OPTN: variants seen among roughly 807,000 people sequenced by gnomAD.
OPTN encodes the protein optineurin, also known as E3-14.7K-interacting protein.
Under a neutral mutation model 70.4 loss-of-function variants are expected in OPTN, and 54 were observed. The observed-to-expected ratio is 0.77, with a 90% CI of 0.62 to 0.96. OPTN has a LOEUF of 0.96. Among genes scored for constraint, OPTN ranks in the 40% least tolerant of loss-of-function variants. The pLI is 0.00. For missense variants in OPTN, 624 were observed against 673.2 expected (o/e 0.93, Z 0.81); for synonymous variants, 256 against 248.5 (o/e 1.03, Z -0.28).
At chr10:13,129,182 T>A (rs1313930481) in intron 12 of OPTN, among the ~76,000 whole-genome samples, 3 of 152,172 alleles carry the variant, frequency 2.0e-5, no homozygotes, top group African/African-American at 7.2e-5. Flanking sequence ...CCTATATGAA[T>A]ATCCAGTTAA....
In OPTN at chr10:13,114,803, CA is replaced by C. The variant is rs1223816829; in HGVS notation, c.553-1463del. ...TTATATAATTATATAATTATATATA[CA>C]TATATATAATTATATAATTATATAA... On this transcript the variant is annotated intron_variant, in intron 5 of 14. Transcript: ENST00000378747. Among the ~76,000 whole-genome samples the C allele has an allele frequency of 3.1e-3, 52 of 16,826 alleles. 5 individuals are homozygous for C. The highest frequency in any genetic ancestry group is 0.083 in the Middle Eastern group (1 of 12). The allele number at this position is 16,826 out of a possible 152,430, so 11.0% of individuals were successfully genotyped here.
At chr10:13,113,987 C>A (rs1283145987) in intron 5 of OPTN, among the ~76,000 whole-genome samples, 1 of 151,984 alleles carries the variant, frequency 6.6e-6, no homozygotes. Flanking sequence ...ATCACTTGAA[C>A]CTGGGAGTTT....
At chr10:13,115,253 T>TATATTTATAAATATAGA (rs1833148633) in intron 5 of OPTN, among the ~76,000 whole-genome samples, 5 of 10,622 alleles carry the variant, frequency 4.7e-4, no homozygotes, top group African/African-American at 9.4e-4. Flanking sequence ...ATATCTATAT[T>TATATTTATAAATATAGA]TATATCTATA....
At chr10:13,128,452 T>C (rs909797812) in intron 12 of OPTN, among the ~76,000 whole-genome samples, 9 of 150,268 alleles carry the variant, frequency 6.0e-5, no homozygotes, top group African/African-American at 2.2e-4. Flanking sequence ...TTTTCAAGTG[T>C]TTTTGGCCTT....
chr10:13,120,200 G>A (rs965165082), intron 7 of OPTN, among the ~76,000 whole-genome samples: 2 of 151,574 alleles, frequency 1.3e-5, no homozygotes, highest in African/African-American at 4.8e-5. Context: ...ATGTTAGCCA[G>A]GATGGTCTCG....
chr10:13,133,719 C>T, intron 14 of OPTN, 138 bp downstream of exon 14: 1 of 748,670 alleles, frequency 1.3e-6, no homozygotes, highest in Non-Finnish European at 2.3e-6. Context: ...GTCTCATTAC[C>T]ACAGCACTCC....
chr10:13,134,708 G>A (rs1486596859), intron 14 of OPTN, among the ~76,000 whole-genome samples: 8 of 152,020 alleles, frequency 5.3e-5, no homozygotes, highest in African/African-American at 1.4e-4. Flanking sequence ...GATTACAGGC[G>A]TGAGCCACCA....
chr10:13,113,947 C>G (rs1334490616), intron 5 of OPTN, among the ~76,000 whole-genome samples: 1 of 151,986 alleles, frequency 6.6e-6, no homozygotes, highest in Non-Finnish European at 1.5e-5. Context: ...CACCTGTACT[C>G]CCAGCTACTC....
chr10:13,115,419 A>AAT (rs559073807), intron 5 of OPTN, among the ~76,000 whole-genome samples: 1 of 107,798 alleles, frequency 9.3e-6, no homozygotes, highest in East Asian at 2.7e-4. Flanking sequence ...TATATTATAG[A>AAT]ATATATATAA....
chr10:13,126,283 C>CCTTTTTTTTTTTTTTTTTTTTT lies in OPTN; in HGVS notation c.1242+244_1242+245insCTTTTTTTTTTTTTTTTTTTTT, dbSNP rs771767144. Among the ~76,000 whole-genome samples the CCTTTTTTTTTTTTTTTTTTTTT allele has an allele frequency of 2.0e-3, 275 of 139,016 alleles. 13 individuals carry two copies. The highest frequency in any genetic ancestry group is 6.7e-3 in the African/African-American group (247 of 36,680). The allele number at this position is 139,016 out of a possible 152,430, so 91.2% of individuals were successfully genotyped here. A position where few individuals can be genotyped will look rare whatever the true frequency, so the allele number is the denominator to read the frequency against. ...GTCAGGGATTAAGCACTTCGTATTT[C>CCTTTTTTTTTTTTTTTTTTTTT]TTTTTTTTTTTTTTTGAGACGGAGT... On this transcript the variant is annotated intron_variant, in intron 11 of 14. Transcript: ENST00000378747.
At chr10:13,128,589 C>G (rs1030022531) in intron 12 of OPTN, among the ~76,000 whole-genome samples, 3 of 129,452 alleles carry the variant, frequency 2.3e-5, no homozygotes, top group Non-Finnish European at 4.7e-5. Flanking sequence ...GTCGCCCAGG[C>G]TGGAGTACAG....
chr10:13,136,252 G>C (rs867518566), intron 14 of OPTN, among the ~76,000 whole-genome samples: 15 of 152,252 alleles, frequency 9.9e-5, no homozygotes, highest in Middle Eastern at 3.4e-3. Context: ...GCTCATGCCA[G>C]TAATCCTAGC....
At chr10:13,120,284 G>T (rs930999790) in intron 7 of OPTN, among the ~76,000 whole-genome samples, 1 of 151,934 alleles carries the variant, frequency 6.6e-6, no homozygotes, top group Non-Finnish European at 1.5e-5. Context: ...CACCGCGCCC[G>T]GCTGATCTGC....
At chr10:13,127,477 A>T (rs976944954) in intron 11 of OPTN, among the ~76,000 whole-genome samples, 1 of 152,132 alleles carries the variant, frequency 6.6e-6, no homozygotes, top group African/African-American at 2.4e-5. Flanking sequence ...GCAAGCCACA[A>T]CTTAAATACA....
intron 4 of OPTN, 74 bp from the exon 5 acceptor site, chr10:13,112,379 G>T (rs557450224): frequency 1.4e-6 from 2 of 1,429,386 alleles, no homozygotes; most frequent in Middle Eastern, 4.0e-4. Context: ...AGAGCTCTGC[G>T]ATTAAGGGCA....
intron 4 of OPTN, among the ~76,000 whole-genome samples, chr10:13,111,486 T>G (rs1470570240): frequency 6.6e-6 from 1 of 151,864 alleles, no homozygotes; most frequent in East Asian, 1.9e-4. Context: ...TCACCTGAGG[T>G]GAGGAGTTCG....
rs771814425 is a variant in OPTN, at chr10:13,112,554, G to A, written c.471G>A (p.Leu157=). The A allele has an allele frequency of 5.6e-6, 9 of 1,614,064 alleles. No individual in the cohort carries two copies. In the South Asian group the frequency reaches 8.8e-5, roughly 16 times the overall value. The part of the protein sequence containing the change: ...VVRLQAEKAD[L]LGIVSELQLK... ...GGCTACAAGCAGAGAAGGCAGACCT[G>A]TTGGGCATCGTGTCTGAACTGCAGC... Residue 157 remains leucine (L), a synonymous_variant, in exon 5 of 15, where the codon CTG becomes CTA. Transcript: ENST00000378747.
chr10:13,127,088 G>A lies in OPTN; in HGVS notation c.1243-657G>A, dbSNP rs537428529. 1.8e-4 allele frequency among the ~76,000 whole-genome samples: 28 copies of A among 152,306 alleles called. No individual in the cohort carries two copies. In the East Asian group the frequency reaches 3.5e-3, roughly 19 times the overall value. On this transcript the variant is annotated intron_variant, in intron 11 of 14. Coordinates refer to ENST00000378747, the MANE Select transcript of OPTN (RefSeq NM_001008212.2). ...ATGGTGTGATAGTTTAGAGACCACA[G>A]AAGCTTGTGAATTAGAAGGGATCTT...
intron 9 of OPTN, among the ~76,000 whole-genome samples, chr10:13,125,042 A>G (rs1188509459): frequency 6.6e-6 from 1 of 152,208 alleles, no homozygotes; most frequent in Non-Finnish European, 1.5e-5. Context: ...AGTCTTTGCA[A>G]TTGACAGAAC....
Sources: gnomAD v4.1 joint callset for allele counts (sites outside exome capture counted in the v4.1 genomes callset) on GRCh38, gnomAD v4.1.1 for gene constraint, MANE v1.5 for transcripts, NCBI Gene and HGNC (gene_info 2026-07-23, HGNC 2026-07-21) for gene names.